ROBO1: variants seen among roughly 807,000 people sequenced by gnomAD.
ROBO1 encodes roundabout guidance receptor 1, also known as roundabout homolog 1.
In ROBO1, 149 loss-of-function variants were observed where a neutral mutation model predicts 195.9. The observed-to-expected ratio is 0.76, with a 90% CI of 0.67 to 0.87. The LOEUF (loss-of-function observed/expected upper bound fraction) is 0.87. ROBO1 is among the 40% of genes least tolerant of loss of function. The pLI, the probability that ROBO1 is intolerant of heterozygous loss-of-function variation, is 0.00. For synonymous variants in ROBO1, 816 were observed against 733.2 expected (o/e 1.11, Z -1.82); for missense variants, 1,933 against 2,068.3 (o/e 0.93, Z 1.27).
At chr3:78,717,206 GGAGATGATGTGAT>G in intron 7 of ROBO1, 56 bp downstream of exon 7, 1 of 1,459,124 alleles carries the variant, frequency 6.9e-7, no homozygotes, top group Non-Finnish European at 9.2e-7. Context: ...GCCCGGATGT[GGAGATGATGTGAT>G]GAGAAACGTA....
chr3:79,557,687 C>T (rs1171781292), intron 2 of ROBO1, among the ~76,000 whole-genome samples: 4 of 129,726 alleles, frequency 3.1e-5, no homozygotes, highest in African/African-American at 6.6e-5. Context: ...GACCCGAGAT[C>T]GCGCCACTGC....
chr3:79,323,683 A>G (rs2034084983), intron 2 of ROBO1, among the ~76,000 whole-genome samples: 1 of 152,138 alleles, frequency 6.6e-6, no homozygotes, highest in Non-Finnish European at 1.5e-5. Flanking sequence ...TTATAAACCG[A>G]CCGTATCTTT....
intron 3 of ROBO1, among the ~76,000 whole-genome samples, chr3:79,084,371 G>A (rs999793075): frequency 6.6e-6 from 1 of 152,070 alleles, no homozygotes. Context: ...GGTGGCACAT[G>A]CCTGTAATCC....
intron 4 of ROBO1, among the ~76,000 whole-genome samples, chr3:78,931,236 C>CTTT (rs71127369): frequency 0.012 from 966 of 78,810 alleles, 31 homozygotes; most frequent in Non-Finnish European, 0.017. Flanking sequence ...TTCTTTCTTT[C>CTTT]TTTTTTTTTT....
intron 1 of ROBO1, among the ~76,000 whole-genome samples, chr3:79,728,476 A>G (rs1703014450): frequency 2.0e-5 from 3 of 152,172 alleles, no homozygotes; most frequent in South Asian, 2.1e-4. Flanking sequence ...CTGACCTTCA[A>G]TGTTAACCTT....
chr3:79,664,796 A>G (rs1946428756), intron 1 of ROBO1, among the ~76,000 whole-genome samples: 2 of 151,942 alleles, frequency 1.3e-5, no homozygotes, highest in Admixed American at 1.3e-4. Flanking sequence ...CGTGGAAGTG[A>G]AAACTAACAA....
chr3:79,344,224 G>C (rs932759804), intron 2 of ROBO1, among the ~76,000 whole-genome samples: 19 of 152,132 alleles, frequency 1.2e-4, no homozygotes, highest in Middle Eastern at 3.2e-3. Flanking sequence ...GATTAAAATA[G>C]AGCAGTGGTT....
At chr3:79,337,153 G>A (rs1251602799) in intron 2 of ROBO1, among the ~76,000 whole-genome samples, 1 of 152,112 alleles carries the variant, frequency 6.6e-6, no homozygotes, top group Admixed American at 6.5e-5. Context: ...ATGAGACTTT[G>A]GACTATGGAC....
intron 5 of ROBO1, among the ~76,000 whole-genome samples, chr3:78,746,191 G>A (rs1180757064): frequency 6.6e-6 from 1 of 152,108 alleles, no homozygotes; most frequent in Non-Finnish European, 1.5e-5. Context: ...TCTTACATCA[G>A]AGCAGGAATT....
chr3:78,744,386 C>T (rs2082605431), intron 5 of ROBO1, among the ~76,000 whole-genome samples: 1 of 152,200 alleles, frequency 6.6e-6, no homozygotes, highest in Non-Finnish European at 1.5e-5. Flanking sequence ...GTTCTCCCTG[C>T]CTCTACCATT....
At chr3:79,714,239 C>T (rs1166354635) in intron 1 of ROBO1, among the ~76,000 whole-genome samples, 3 of 152,170 alleles carry the variant, frequency 2.0e-5, no homozygotes, top group East Asian at 3.9e-4. Context: ...CAAAAAAACA[C>T]ATGAAAAAAT....
intron 3 of ROBO1, among the ~76,000 whole-genome samples, chr3:79,087,130 A>G (rs1037033337): frequency 2.6e-5 from 4 of 152,130 alleles, no homozygotes; most frequent in African/African-American, 9.6e-5. Flanking sequence ...AGAAGACAGG[A>G]TGCATATTAA....
intron 3 of ROBO1, among the ~76,000 whole-genome samples, chr3:79,079,598 G>C (rs1218058246): frequency 6.6e-6 from 1 of 151,620 alleles, no homozygotes; most frequent in Non-Finnish European, 1.5e-5. Context: ...GCATTATTTT[G>C]ATAAAATGTG....
intron 1 of ROBO1, among the ~76,000 whole-genome samples, chr3:79,659,745 G>C (rs1474291854): frequency 6.6e-6 from 1 of 151,998 alleles, no homozygotes; most frequent in African/African-American, 2.4e-5. Context: ...CCACCATGTC[G>C]ACAGTGAGTT....
chr3:79,182,542 G>GGTGTGTGT (rs71127377), intron 2 of ROBO1, among the ~76,000 whole-genome samples: 6,684 of 148,480 alleles, frequency 0.045, 186 homozygotes, highest in African/African-American at 0.058. Context: ...CTGGGGCACA[G>GGTGTGTGT]GTGTGTGTGT....
chr3:78,647,498 T>A (rs1706376548), intron 20 of ROBO1, 131 bp downstream of exon 20: 1 of 865,134 alleles, frequency 1.2e-6, no homozygotes, highest in African/African-American at 1.7e-5. Context: ...TGTGAGTAAA[T>A]CAAGTATTAC....
intron 2 of ROBO1, among the ~76,000 whole-genome samples, chr3:79,221,068 C>T (rs1559744813): frequency 6.6e-6 from 1 of 152,078 alleles, no homozygotes; most frequent in South Asian, 2.1e-4. Context: ...AGAACCACAG[C>T]TTCAGTTAAT....
intron 4 of ROBO1, among the ~76,000 whole-genome samples, chr3:78,753,877 T>A (rs1438283636): frequency 2.6e-5 from 4 of 152,226 alleles, no homozygotes; most frequent in African/African-American, 9.6e-5. Flanking sequence ...AGTAACTTAC[T>A]GTATGTTTGC....
chr3:79,551,417 A>G (rs1185441839), intron 2 of ROBO1, among the ~76,000 whole-genome samples: 1 of 151,906 alleles, frequency 6.6e-6, no homozygotes, highest in East Asian at 1.9e-4. Context: ...TAAAATATAT[A>G]TTTACTTTAC....
Sources: gnomAD v4.1 joint callset for allele counts (sites outside exome capture counted in the v4.1 genomes callset) on GRCh38, gnomAD v4.1.1 for gene constraint, MANE v1.5 for transcripts, NCBI Gene and HGNC (gene_info 2026-07-23, HGNC 2026-07-21) for gene names.